Variants in CD2AP observed in about 807,000 individuals in gnomAD.
CD2AP encodes the protein CD2 associated protein.
A neutral mutation model predicts 85.1 loss-of-function variants in CD2AP; 46 were observed. The observed-to-expected ratio is 0.54, with a 90% CI of 0.43 to 0.69. The LOEUF is 0.69. CD2AP is among the 30% of genes least tolerant of loss of function. The pLI, the probability that CD2AP is intolerant of heterozygous loss-of-function variation, is 0.00. For missense variants in CD2AP, 769 were observed against 729.5 expected, an observed-to-expected ratio of 1.05 and a Z score of -0.62; for synonymous variants, 255 against 252.9, an observed-to-expected ratio of 1.01 and a Z score of -0.08.
chr6:47,623,351 A>G (rs1334965104), intron 17 of CD2AP, among the ~76,000 whole-genome samples: 1 of 152,226 alleles, frequency 6.6e-6, no homozygotes, highest in Non-Finnish European at 1.5e-5. Flanking sequence ...ATATTTCCTC[A>G]TGCAGGGAAA....
At chr6:47,505,479 T>G (rs543518584) in intron 2 of CD2AP, among the ~76,000 whole-genome samples, 6 of 150,862 alleles carry the variant, frequency 4.0e-5, no homozygotes, top group African/African-American at 1.2e-4. Flanking sequence ...TTCCCCGCCT[T>G]TCCCGCCCTT....
chr6:47,601,857 T>G (rs1769146642), intron 13 of CD2AP, among the ~76,000 whole-genome samples: 1 of 152,012 alleles, frequency 6.6e-6, no homozygotes, highest in Non-Finnish European at 1.5e-5. Flanking sequence ...GAAAGTACAC[T>G]GACTTTGCTG....
intron 11 of CD2AP, among the ~76,000 whole-genome samples, chr6:47,582,676 C>A (rs187083461): frequency 2.0e-5 from 3 of 152,244 alleles, no homozygotes; most frequent in Admixed American, 2.0e-4. Context: ...TCTAATCCAT[C>A]CTTGTTTCTT....
chr6:47,478,088 C>T lies in CD2AP; in HGVS notation c.-157C>T, dbSNP rs1765348452. 4.3e-6 allele frequency: 4 copies of T among 932,614 alleles called. No individual in the cohort carries two copies. In the Middle Eastern group the frequency reaches 9.8e-4, roughly 228 times the overall value. The allele number at this position is 932,614 out of a possible 1,614,324, so 57.8% of individuals were successfully genotyped here. A position where few individuals can be genotyped will look rare whatever the true frequency, so the allele number is the denominator to read the frequency against. ...TGAAGAGACTGGTAGGAGAGCGCCG[C>T]GGGCGGATGGAGGCGACTCTTCGCC... On this transcript the variant is annotated 5_prime_UTR_variant, in exon 1 of 18. Transcript: ENST00000359314.
At chr6:47,484,903 C>T (rs1765528969) in intron 1 of CD2AP, among the ~76,000 whole-genome samples, 1 of 152,220 alleles carries the variant, frequency 6.6e-6, no homozygotes, top group Non-Finnish European at 1.5e-5. Context: ...CAATAATAAA[C>T]CACACATAGG....
intron 2 of CD2AP, among the ~76,000 whole-genome samples, chr6:47,520,789 G>C (rs1484827370): frequency 8.5e-6 from 1 of 117,632 alleles, no homozygotes; most frequent in Non-Finnish European, 1.6e-5. Context: ...AGTGGTTATT[G>C]TCTAAGAGCT....
intron 2 of CD2AP, among the ~76,000 whole-genome samples, chr6:47,531,290 G>T (rs1766868111): frequency 6.6e-6 from 1 of 151,968 alleles, no homozygotes; most frequent in Non-Finnish European, 1.5e-5. Context: ...CTTACTGTTG[G>T]ATTCGAGTAA....
chr6:47,479,417 T>A (rs1345784779), intron 1 of CD2AP, among the ~76,000 whole-genome samples: 1 of 152,244 alleles, frequency 6.6e-6, no homozygotes, highest in Non-Finnish European at 1.5e-5. Context: ...GACACTCGCC[T>A]AGCTATCCTC....
At chr6:47,542,419 T>G (rs1303246368) in intron 3 of CD2AP, among the ~76,000 whole-genome samples, 3 of 152,244 alleles carry the variant, frequency 2.0e-5, no homozygotes, top group African/African-American at 7.2e-5. Flanking sequence ...TGAATTATGG[T>G]TCTTTCCAAA....
At chr6:47,502,616 C>T (rs1179565028) in intron 1 of CD2AP, among the ~76,000 whole-genome samples, 1 of 151,842 alleles carries the variant, frequency 6.6e-6, no homozygotes, top group Admixed American at 6.6e-5. Context: ...ACCTCAGCCT[C>T]CCGAGTAGCT....
chr6:47,614,234 A>T (rs550183911), intron 17 of CD2AP, among the ~76,000 whole-genome samples: 2 of 152,342 alleles, frequency 1.3e-5, no homozygotes, highest in Admixed American at 1.3e-4. Context: ...TGTTTGGGGC[A>T]AAAGGCCAAT....
intron 5 of CD2AP, 146 bp downstream of exon 5, chr6:47,554,912 T>C (rs1767639527): frequency 3.0e-6 from 2 of 656,374 alleles, no homozygotes. Flanking sequence ...CAAATTATGA[T>C]GGGGACCTAA....
At chr6:47,508,209 C>T (rs986973536) in intron 2 of CD2AP, among the ~76,000 whole-genome samples, 2 of 152,184 alleles carry the variant, frequency 1.3e-5, no homozygotes, top group Non-Finnish European at 2.9e-5. Flanking sequence ...GTACCTTTTT[C>T]CAATAGAAGG....
rs376915545 is a variant in CD2AP at position 47,477,844 on chromosome 6, T to C, written c.-401T>C. ...TGTCGCCTTTTCTAACTGCGAGTGCTAAGGAAGAGGCGAGGGGCGGGCTCC... is the reference window on the plus strand; with the variant it reads ...TGTCGCCTTTTCTAACTGCGAGTGCCAAGGAAGAGGCGAGGGGCGGGCTCC... On this transcript the variant is annotated 5_prime_UTR_variant, in exon 1 of 18. Coordinates refer to ENST00000359314, the MANE Select transcript of CD2AP (RefSeq NM_012120.3). 1.7e-5 allele frequency: 5 copies of C among 287,054 alleles called. No individual in the cohort carries two copies. In the East Asian group the frequency reaches 2.7e-4, roughly 16 times the overall value. The allele number at this position is 287,054 out of a possible 1,614,324, so 17.8% of individuals were successfully genotyped here. A position where few individuals can be genotyped will look rare whatever the true frequency, so the allele number is the denominator to read the frequency against.
Position 47,608,018 on chromosome 6 carries a change from A to C in CD2AP, c.1622A>C (p.Tyr541Ser), listed in dbSNP as rs754708249. The change falls in exon 15 of 18, where the codon TAC becomes TCC. Residue 541 changes from tyrosine to serine, a missense_variant. Physicochemically the swap from Tyr to Ser is moderately radical, Grantham distance 144 (BLOSUM62 -2). Coordinates refer to ENST00000359314, the MANE Select transcript of CD2AP (RefSeq NM_012120.3). The part of the protein sequence containing the change: ...KPSELKKDTC[Y>S]SPKPSVYLST... ...TCTGAATTAAAAAAAGATACATGCT[A>C]CTCTCCAAAGGTGAGGTGCATTGTG... The C allele has an allele frequency of 3.7e-6, 6 of 1,607,456 alleles. No homozygotes were observed. The highest frequency in any genetic ancestry group is 3.3e-5 in the Admixed American group (2 of 59,952).
chr6:47,525,810 T>C (rs12212383), intron 2 of CD2AP, among the ~76,000 whole-genome samples: 50,662 of 152,024 alleles, frequency 0.33, 9,302 homozygotes, highest in Middle Eastern at 0.52. Flanking sequence ...CACATTCTTA[T>C]CTATATGGAG....
At chr6:47,553,310 G>A (rs1409413009) in intron 4 of CD2AP, among the ~76,000 whole-genome samples, 2 of 151,334 alleles carry the variant, frequency 1.3e-5, no homozygotes, top group Non-Finnish European at 2.9e-5. Context: ...GTGCTGCTAA[G>A]TAAAATTTGA....
At chr6:47,610,972 T>TATATATATATATATA (rs1491427733) in intron 16 of CD2AP, among the ~76,000 whole-genome samples, 4,773 of 54,326 alleles carry the variant, frequency 0.088, 154 homozygotes, top group Non-Finnish European at 0.11. Flanking sequence ...TATATATGTA[T>TATATATATATATATA]TTTTTTTTTT....
chr6:47,597,461 TG>T (rs981237103), intron 12 of CD2AP, among the ~76,000 whole-genome samples: 3 of 150,746 alleles, frequency 2.0e-5, no homozygotes, highest in Non-Finnish European at 4.5e-5. Flanking sequence ...AATCATGACC[TG>T]AGGCCCAGGC....
Sources: allele counts gnomAD v4.1 joint callset (sites outside exome capture counted in the v4.1 genomes callset), GRCh38; gene constraint gnomAD v4.1.1; transcripts MANE v1.5; gene names NCBI Gene and HGNC (gene_info 2026-07-23, HGNC 2026-07-21).